BMERB1: variants seen among roughly 807,000 people sequenced by gnomAD.
BMERB1 encodes bMERB domain-containing protein 1.
In BMERB1, 12 loss-of-function variants were observed where a neutral mutation model predicts 23.6. That is an observed-to-expected ratio of 0.51 (90% CI 0.33 to 0.82). The LOEUF (loss-of-function observed/expected upper bound fraction) is 0.82. Ranked by LOEUF, BMERB1 falls within the 40% of genes least tolerant of loss-of-function variation. The probability of loss-of-function intolerance (pLI) is 0.03; values close to 1 mark genes in which losing one functional copy is unlikely to be tolerated. For synonymous variants in BMERB1, 122 were observed against 96.6 expected, an observed-to-expected ratio of 1.26 and a Z score of -1.54; for missense variants, 247 against 255.4, an observed-to-expected ratio of 0.97 and a Z score of 0.22.
intron 1 of BMERB1, among the ~76,000 whole-genome samples, chr16:15,479,930 A>G (rs529578425): frequency 6.6e-6 from 1 of 150,734 alleles, no homozygotes. Context: ...GAGCTTGAGC[A>G]ACAGAATGAG....
intron 2 of BMERB1, among the ~76,000 whole-genome samples, chr16:15,544,648 C>T (rs140848264): frequency 4.6e-5 from 7 of 152,242 alleles, no homozygotes; most frequent in African/African-American, 1.2e-4. Context: ...TGCAGATTGC[C>T]GGCATCAGAC....
chr16:15,547,290 A>G (rs1432188240), intron 2 of BMERB1, among the ~76,000 whole-genome samples: 2 of 150,038 alleles, frequency 1.3e-5, no homozygotes, highest in Admixed American at 6.7e-5. Flanking sequence ...GGGATTGTAC[A>G]GGCATGAGCC....
chr16:15,444,123 G>GTTTTTT (rs150793082), intron 1 of BMERB1, among the ~76,000 whole-genome samples: 362 of 35,604 alleles, frequency 0.01, 51 homozygotes, highest in East Asian at 0.014. Context: ...CACCAGCTTT[G>GTTTTTT]TTTTTTTTTT....
intron 1 of BMERB1, among the ~76,000 whole-genome samples, chr16:15,482,616 T>TAC (rs2051331227): frequency 6.6e-6 from 1 of 152,166 alleles, no homozygotes; most frequent in Non-Finnish European, 1.5e-5. Context: ...TGACTCATGC[T>TAC]ACCTTCAGTT....
At chr16:15,481,823 C>T (rs968144954) in intron 1 of BMERB1, among the ~76,000 whole-genome samples, 2 of 151,278 alleles carry the variant, frequency 1.3e-5, no homozygotes, top group Admixed American at 6.6e-5. Context: ...CTCCCAGGTT[C>T]AAGCAACTCT....
intron 1 of BMERB1, among the ~76,000 whole-genome samples, chr16:15,451,067 TA>T (rs1463745118): frequency 6.6e-6 from 1 of 152,102 alleles, no homozygotes; most frequent in African/African-American, 2.4e-5. Context: ...TAAATTAGTT[TA>T]AGGGGGCGTA....
intron 1 of BMERB1, among the ~76,000 whole-genome samples, chr16:15,505,095 C>T (rs980922509): frequency 3.9e-5 from 6 of 152,090 alleles, no homozygotes; most frequent in African/African-American, 1.2e-4. Context: ...GAATGAGAAC[C>T]GTTTGTTGAG....
At chr16:15,443,523 A>T (rs2050959337) in intron 1 of BMERB1, among the ~76,000 whole-genome samples, 4 of 152,206 alleles carry the variant, frequency 2.6e-5, no homozygotes. Flanking sequence ...CCTGGGCGAC[A>T]GTGAGGCCCT....
intron 2 of BMERB1, among the ~76,000 whole-genome samples, chr16:15,517,895 GGATCTGTGTGTGTGT>G (rs1390193009): frequency 0.018 from 2,614 of 144,838 alleles, 76 homozygotes; most frequent in African/African-American, 0.065. Flanking sequence ...GTGTGTGTGT[GGATCTGTGTGTGTGT>G]ATGTGTGTGT....
At chr16:15,479,419 A>G (rs1045495795) in intron 1 of BMERB1, among the ~76,000 whole-genome samples, 1 of 152,358 alleles carries the variant, frequency 6.6e-6, no homozygotes, top group South Asian at 2.1e-4. Context: ...GTAACAGAGT[A>G]TGAATTGATA....
chr16:15,521,330 G>A (rs11075272), intron 2 of BMERB1, among the ~76,000 whole-genome samples: 119,253 of 152,220 alleles, frequency 0.78, 47,256 homozygotes, highest in African/African-American at 0.91. Context: ...TGTGAAGTCA[G>A]TCTGCTGGGA....
chr16:15,489,096 G>T (rs1323340876), intron 1 of BMERB1, among the ~76,000 whole-genome samples: 1 of 152,086 alleles, frequency 6.6e-6, no homozygotes, highest in Non-Finnish European at 1.5e-5. Flanking sequence ...ACTACTTCTG[G>T]TGTGTATCTG....
At chr16:15,523,982 G>T (rs2051881605) in intron 2 of BMERB1, among the ~76,000 whole-genome samples, 1 of 152,006 alleles carries the variant, frequency 6.6e-6, no homozygotes, top group South Asian at 2.1e-4. Flanking sequence ...TCTACCCTGG[G>T]GCCTTGATTT....
intron 1 of BMERB1, among the ~76,000 whole-genome samples, chr16:15,468,147 T>C (rs1202351023): frequency 2.1e-4 from 17 of 82,268 alleles, no homozygotes; most frequent in African/African-American, 6.0e-4. Flanking sequence ...TTTTTTTTTT[T>C]TTTTTTTTTT....
intron 1 of BMERB1, among the ~76,000 whole-genome samples, chr16:15,435,083 A>G (rs947116181): frequency 6.6e-6 from 1 of 152,228 alleles, no homozygotes; most frequent in Non-Finnish European, 1.5e-5. Flanking sequence ...CCCACAGCCC[A>G]GGGAGGAGGA....
intron 2 of BMERB1, among the ~76,000 whole-genome samples, chr16:15,553,250 C>T (rs2030147677): frequency 6.6e-6 from 1 of 152,228 alleles, no homozygotes; most frequent in Non-Finnish European, 1.5e-5. Context: ...TGAATTGATC[C>T]ACCTGCCTCG....
intron 5 of BMERB1, among the ~76,000 whole-genome samples, chr16:15,584,427 G>C (rs1260309273): frequency 6.6e-6 from 1 of 151,910 alleles, no homozygotes; most frequent in Non-Finnish European, 1.5e-5. Context: ...GCTTGGTGGT[G>C]GGCGCCTGTA....
chr16:15,456,235 A>C (rs1488280787), intron 1 of BMERB1, among the ~76,000 whole-genome samples: 1 of 152,202 alleles, frequency 6.6e-6, no homozygotes, highest in Admixed American at 6.5e-5. Flanking sequence ...ATGGATTTTA[A>C]AAAATGAATT....
intron 2 of BMERB1, among the ~76,000 whole-genome samples, chr16:15,548,237 G>C (rs958391945): frequency 6.6e-6 from 1 of 152,112 alleles, no homozygotes; most frequent in South Asian, 2.1e-4. Flanking sequence ...TGCTGGTCTT[G>C]GCCTTTCAAA....
Sources: allele counts gnomAD v4.1 joint callset (sites outside exome capture counted in the v4.1 genomes callset), GRCh38; gene constraint gnomAD v4.1.1; transcripts MANE v1.5; gene names NCBI Gene and HGNC (gene_info 2026-07-23, HGNC 2026-07-21).